The following RPS6KC1 variants were observed in gnomAD, a reference collection of about 807,000 sequenced individuals.
The protein encoded by RPS6KC1 is ribosomal protein S6 kinase C1.
RPS6KC1 carries 54 observed loss-of-function variants against 103.8 expected under a neutral mutation model. The ratio of observed to expected loss-of-function variants is 0.52; its 90% CI spans 0.42 to 0.65. The LOEUF is 0.65. Ranked by LOEUF, RPS6KC1 falls within the 30% of genes least tolerant of loss-of-function variation. The pLI, the probability that RPS6KC1 is intolerant of heterozygous loss-of-function variation, is 0.00. For missense variants in RPS6KC1, 1,151 were observed against 1,253.8 expected, an observed-to-expected ratio of 0.92 and a Z score of 1.24; for synonymous variants, 439 against 438.7, an observed-to-expected ratio of 1.00 and a Z score of -0.01.
the RPS6KC1 span, among the ~76,000 whole-genome samples, chr1:213,788,947 C>T: frequency 6.6e-6 from 1 of 152,146 alleles, no homozygotes; most frequent in Non-Finnish European, 1.5e-5. Context: ...GCCTTCTGCA[C>T]TCAAAAAGCT....
the RPS6KC1 span, among the ~76,000 whole-genome samples, chr1:213,515,447 T>C: frequency 5.4e-3 from 816 of 152,326 alleles, 11 homozygotes; most frequent in African/African-American, 0.019. Context: ...TTTCTACATA[T>C]GGCTAGCCAG....
chr1:213,285,594 T>A, the RPS6KC1 span, among the ~76,000 whole-genome samples: 1 of 152,128 alleles, frequency 6.6e-6, no homozygotes. Context: ...CTTTTCTTAA[T>A]GGAGAAAGTA....
the RPS6KC1 span, among the ~76,000 whole-genome samples, chr1:213,354,199 G>T: frequency 6.6e-6 from 1 of 152,222 alleles, no homozygotes; most frequent in Non-Finnish European, 1.5e-5. Context: ...CTAAGGGTTT[G>T]TTGGAAGAAT....
chr1:213,067,772 C>T lies in RPS6KC1; in HGVS notation c.106-3234C>T, dbSNP rs372148122. 2.4e-4 allele frequency among the ~76,000 whole-genome samples: 36 copies of T among 152,184 alleles called. No individual in the cohort carries two copies. In the East Asian group the frequency reaches 3.7e-3, roughly 15 times the overall value. ...AGATGTATGTAAACCACTAAGAGGA[C>T]GGCTGAGAAATAATAATCAAATTGG... On this transcript the variant is annotated intron_variant, in intron 1 of 14. Coordinates refer to ENST00000366960, the MANE Select transcript of RPS6KC1 (RefSeq NM_012424.6).
At chr1:213,662,796 C>T in the RPS6KC1 span, among the ~76,000 whole-genome samples, 2 of 152,172 alleles carry the variant, frequency 1.3e-5, no homozygotes, top group African/African-American at 2.4e-5. Context: ...CATCACAGCC[C>T]TTTTACTAAT....
chr1:213,463,607 T>C, the RPS6KC1 span, among the ~76,000 whole-genome samples: 1 of 152,180 alleles, frequency 6.6e-6, no homozygotes, highest in Non-Finnish European at 1.5e-5. Flanking sequence ...ACATGTCCTC[T>C]GAGCTCTCTG....
chr1:213,830,672 T>TA, the RPS6KC1 span, among the ~76,000 whole-genome samples: 10,838 of 127,684 alleles, frequency 0.085, 566 homozygotes, highest in South Asian at 0.21. Flanking sequence ...TCACATTCTT[T>TA]AAAAAAAAAA....
chr1:213,510,624 G>T, the RPS6KC1 span, among the ~76,000 whole-genome samples: 1 of 152,180 alleles, frequency 6.6e-6, no homozygotes, highest in Non-Finnish European at 1.5e-5. Flanking sequence ...TAGTGGCTCT[G>T]TGAGTCTAGT....
chr1:213,569,904 C>A, the RPS6KC1 span, among the ~76,000 whole-genome samples: 1 of 152,192 alleles, frequency 6.6e-6, no homozygotes, highest in African/African-American at 2.4e-5. Flanking sequence ...AGATCAAAGA[C>A]TTCACCCAAA....
intron 3 of RPS6KC1, among the ~76,000 whole-genome samples, chr1:213,086,631 G>A (rs371889485): frequency 6.6e-6 from 1 of 152,138 alleles, no homozygotes; most frequent in African/African-American, 2.4e-5. Flanking sequence ...TTAAATTGCT[G>A]TATGGATTTC....
At chr1:213,467,627 T>G in the RPS6KC1 span, among the ~76,000 whole-genome samples, 1 of 152,202 alleles carries the variant, frequency 6.6e-6, no homozygotes, top group African/African-American at 2.4e-5. Context: ...AAGAAATAGA[T>G]TGGGATTGAG....
the RPS6KC1 span, among the ~76,000 whole-genome samples, chr1:213,435,631 G>A: frequency 6.6e-5 from 10 of 152,328 alleles, no homozygotes; most frequent in Non-Finnish European, 1.0e-4. Flanking sequence ...CTGATGCCCT[G>A]TGAATTATGA....
chr1:213,051,474 C>T lies in RPS6KC1; in HGVS notation c.70C>T (p.Pro24Ser), dbSNP rs528790309. ...FYTVTEPQRH[P>S]RGYTVYKVTA... The stretch of plus-strand genomic sequence containing the variant: ...CACTGTCACCGAGCCCCAGCGACAC[C>T]CGAGGGGCTACACAGTATATAAGGT... Residue 24 changes from proline (P) to serine (S), a missense_variant, in exon 1 of 15, where the codon CCG becomes TCG. Pro to Ser is a moderately conservative substitution (Grantham distance 74). Around this residue, in one of 3 missense-constraint regions of RPS6KC1, gnomAD observed 959 missense variants for 1,006.3 expected, o/e 0.95. Transcript: ENST00000366960. 1 of 1,613,368 alleles carries T rather than the reference C, an allele frequency of 6.2e-7. No homozygotes were observed. Among genetic ancestry groups the T allele is most frequent in the South Asian group, 1.1e-5 (1 of 90,974 alleles).
At chr1:213,575,370 A>G in the RPS6KC1 span, among the ~76,000 whole-genome samples, 1 of 152,074 alleles carries the variant, frequency 6.6e-6, no homozygotes, top group Non-Finnish European at 1.5e-5. Context: ...CTGTAAGAGG[A>G]TCTTTCCATA....
At chr1:213,418,897 C>T in the RPS6KC1 span, among the ~76,000 whole-genome samples, 3 of 152,196 alleles carry the variant, frequency 2.0e-5, no homozygotes, top group African/African-American at 4.8e-5. Context: ...GCAGGTGGCT[C>T]GGCTGCCAGG....
chr1:213,583,908 T>C, the RPS6KC1 span, among the ~76,000 whole-genome samples: 1 of 151,820 alleles, frequency 6.6e-6, no homozygotes, highest in African/African-American at 2.4e-5. Flanking sequence ...AGTATCTGAT[T>C]TGTAGGTCTG....
chr1:213,133,653 T>C (rs958754029), intron 6 of RPS6KC1, among the ~76,000 whole-genome samples: 2 of 152,186 alleles, frequency 1.3e-5, no homozygotes, highest in African/African-American at 4.8e-5. Flanking sequence ...GAGCTGGTTT[T>C]GTGTAGTTTG....
At chr1:213,237,719 GA>G (rs1373909917) in intron 10 of RPS6KC1, among the ~76,000 whole-genome samples, 3 of 151,900 alleles carry the variant, frequency 2.0e-5, no homozygotes, top group Non-Finnish European at 2.9e-5. Flanking sequence ...AAAATCTGAG[GA>G]GAGACAAAGA....
chr1:213,755,465 AATGTGT>A, the RPS6KC1 span, among the ~76,000 whole-genome samples: 1 of 152,104 alleles, frequency 6.6e-6, no homozygotes, highest in African/African-American at 2.4e-5. Flanking sequence ...TAGTATTGCA[AATGTGT>A]AGGTCCCACA....
Sources: allele counts gnomAD v4.1 joint callset (sites outside exome capture counted in the v4.1 genomes callset), GRCh38; gene constraint gnomAD v4.1.1; regional missense constraint gnomAD v4.1.1; transcripts MANE v1.5; gene names NCBI Gene and HGNC (gene_info 2026-07-23, HGNC 2026-07-21).